The following MYT1L variants were observed in gnomAD, a reference collection of about 807,000 sequenced individuals.
MYT1L encodes the protein myelin transcription factor 1-like protein.
In MYT1L, 12 loss-of-function variants were observed where a neutral mutation model predicts 126.7. The ratio of observed to expected loss-of-function variants is 0.09; its 90% CI spans 0.06 to 0.15. The LOEUF is 0.15. Ranked by LOEUF, MYT1L falls within the 10% of genes least tolerant of loss-of-function variation. The pLI, the probability that MYT1L is intolerant of heterozygous loss-of-function variation, is 1.00. For synonymous variants in MYT1L, 541 were observed against 604.2 expected (o/e 0.90, Z 1.53); for missense variants, 979 against 1,585.2 (o/e 0.62, Z 6.49).
intron 4 of MYT1L, among the ~76,000 whole-genome samples, chr2:2,052,399 A>G (rs2068933212): frequency 6.6e-6 from 1 of 152,204 alleles, no homozygotes; most frequent in African/African-American, 2.4e-5. Flanking sequence ...TGGATATGAT[A>G]CCCAAAGTAT....
chr2:2,194,699 CT>C (rs2092724497), intron 2 of MYT1L, among the ~76,000 whole-genome samples: 1 of 152,168 alleles, frequency 6.6e-6, no homozygotes, highest in African/African-American at 2.4e-5. Context: ...ACCTTCCCCC[CT>C]CATCAGATCC....
chr2:1,801,452 C>G lies in MYT1L; in HGVS notation c.3276+244G>C. On this transcript the variant is annotated intron_variant, in intron 23 of 24. Coordinates refer to ENST00000647738, the MANE Select transcript of MYT1L (RefSeq NM_001303052.2). The surrounding 1 kb of genome is among the most constrained non-coding windows in gnomAD (Gnocchi z 4.2). ...CTCTGAAAATGCCTATTCACAAATG[C>G]ACTTTATTAAAAAACACAAACACAC... 1 of 402,118 alleles carries G rather than the reference C, an allele frequency of 2.5e-6. No individual in the cohort carries two copies. Among genetic ancestry groups the G allele is most frequent in the Non-Finnish European group, 4.4e-6 (1 of 227,956 alleles). 24.9% of individuals were successfully genotyped at this position (402,118 alleles called of 1,614,324 possible).
chr2:1,883,420 C>T (rs763074859), intron 18 of MYT1L, among the ~76,000 whole-genome samples: 8 of 152,112 alleles, frequency 5.3e-5, no homozygotes, highest in Non-Finnish European at 7.3e-5. Flanking sequence ...AAAAGGCTGA[C>T]CAGCTCTGAT....
intron 4 of MYT1L, among the ~76,000 whole-genome samples, chr2:2,009,898 GTTT>G (rs147372422): frequency 5.2e-5 from 6 of 114,290 alleles, no homozygotes; most frequent in Non-Finnish European, 7.3e-5. Flanking sequence ...ACTGTTAAGA[GTTT>G]TTTTTTTTTT....
chr2:1,932,559 G>GTTT (rs1346767170), intron 9 of MYT1L, among the ~76,000 whole-genome samples: 1 of 152,164 alleles, frequency 6.6e-6, no homozygotes, highest in Non-Finnish European at 1.5e-5. Flanking sequence ...TGGTGAAAGA[G>GTTT]GTAAAAATAG....
intron 18 of MYT1L, among the ~76,000 whole-genome samples, chr2:1,862,067 G>A (rs560598091): frequency 1.1e-4 from 16 of 151,986 alleles, no homozygotes; most frequent in East Asian, 7.7e-4. Flanking sequence ...ATTCTGCCTC[G>A]TGCCCCTATC....
At chr2:1,857,370 C>T (rs2148584579) in intron 18 of MYT1L, among the ~76,000 whole-genome samples, 1 of 152,310 alleles carries the variant, frequency 6.6e-6, no homozygotes, top group East Asian at 1.9e-4. Context: ...TTAATGATCT[C>T]TGAGGCTGCC....
intron 3 of MYT1L, among the ~76,000 whole-genome samples, chr2:2,128,915 G>T (rs1443531440): frequency 1.3e-5 from 2 of 152,186 alleles, no homozygotes; most frequent in Non-Finnish European, 2.9e-5. Flanking sequence ...AATATTAAAA[G>T]GGAAGATGCT....
Position 1,903,097 on chromosome 2 carries a change from G to T in MYT1L, c.2015C>A (p.Pro672His). 1.2e-6 allele frequency: 2 copies of T among 1,613,450 alleles called. No individual in the cohort carries two copies. The highest frequency in any genetic ancestry group is 1.7e-6 in the Non-Finnish European group (2 of 1,179,432). ...APKVQTRDIS[P>H]KGYDDAKRYC... ...CCTCCTACCATCATCATATCCTTTG[G>T]GGGATATATCCCTGGTTTGCACCTT... Residue 672 changes from proline to histidine, a missense_variant, in exon 14 of 25, where the codon CCC becomes CAC. Coordinates refer to ENST00000647738, the MANE Select transcript of MYT1L (RefSeq NM_001303052.2).
intron 3 of MYT1L, among the ~76,000 whole-genome samples, chr2:2,141,248 G>A (rs1270572404): frequency 6.6e-6 from 1 of 152,126 alleles, no homozygotes; most frequent in Non-Finnish European, 1.5e-5. Context: ...GTGTGTAAAT[G>A]GGATCCCACA....
intron 5 of MYT1L, among the ~76,000 whole-genome samples, chr2:1,989,702 AACTT>A (rs71402130): frequency 0.027 from 4,086 of 152,244 alleles, 73 homozygotes; most frequent in Non-Finnish European, 0.042. Flanking sequence ...ACATTCAAAA[AACTT>A]AGACTAGGGG....
At chr2:2,190,555 T>TAAAAAAA (rs777939174) in intron 2 of MYT1L, among the ~76,000 whole-genome samples, 4 of 108,430 alleles carry the variant, frequency 3.7e-5, no homozygotes, top group Admixed American at 1.1e-4. Context: ...CAAGACCTGT[T>TAAAAAAA]AAAAAAAAAA....
chr2:2,058,881 G>A (rs2069984931), intron 3 of MYT1L, among the ~76,000 whole-genome samples: 1 of 152,172 alleles, frequency 6.6e-6, no homozygotes, highest in Non-Finnish European at 1.5e-5. Flanking sequence ...ACTCTAGTAT[G>A]TTTCTGCCCA....
In MYT1L at chr2:1,814,024, C is replaced by T. The variant is rs1298452288; in HGVS notation, c.3081-4857G>A. ...CCTGGGCGACAGAGCGAGACTCCGT[C>T]CCCAAAAAAAAAAAAAAAAGAAAGA... On this transcript the variant is annotated intron_variant, in intron 21 of 24. Transcript: ENST00000647738. Among the ~76,000 whole-genome samples the T allele has an allele frequency of 1.6e-4, 17 of 109,214 alleles. No homozygotes were observed. The East Asian group carries it at 4.7e-3, about 30-fold the overall frequency. 71.6% of individuals were successfully genotyped at this position (109,214 alleles called of 152,430 possible). A position where few individuals can be genotyped will look rare whatever the true frequency, so the allele number is the denominator to read the frequency against.
chr2:1,894,431 A>T (rs2049317424), intron 14 of MYT1L, among the ~76,000 whole-genome samples: 1 of 152,256 alleles, frequency 6.6e-6, no homozygotes, highest in Non-Finnish European at 1.5e-5. Flanking sequence ...AGCAACCGTC[A>T]CAAACCAGTT....
intron 4 of MYT1L, among the ~76,000 whole-genome samples, chr2:2,041,610 T>C (rs1472459183): frequency 6.6e-6 from 1 of 152,178 alleles, no homozygotes; most frequent in Non-Finnish European, 1.5e-5. Flanking sequence ...GGTATCTCCC[T>C]CCCTGCAGAA....
intron 3 of MYT1L, among the ~76,000 whole-genome samples, chr2:2,084,665 C>A (rs989787956): frequency 1.3e-5 from 2 of 152,198 alleles, no homozygotes; most frequent in Non-Finnish European, 2.9e-5. Flanking sequence ...CCATGGGCTG[C>A]AGCCTGTGAG....
At chr2:1,898,158 T>G (rs1220675015) in intron 14 of MYT1L, among the ~76,000 whole-genome samples, 5 of 152,158 alleles carry the variant, frequency 3.3e-5, no homozygotes, top group African/African-American at 1.2e-4. Flanking sequence ...TGTATTCACC[T>G]TTTCTTGCAG....
At position 1,813,897 on chromosome 2, in the gene MYT1L, G is replaced by A. The variant is rs1180476690; in HGVS notation, c.3081-4730C>T. Among the ~76,000 whole-genome samples the A allele has an allele frequency of 1.8e-5, 2 of 112,252 alleles. 1 individual carries two copies. The highest frequency in any genetic ancestry group is 5.3e-4 in the East Asian group (2 of 3,804). The allele number at this position is 112,252 out of a possible 152,430, so 73.6% of individuals were successfully genotyped here. On this transcript the variant is annotated intron_variant, in intron 21 of 24. Transcript: ENST00000647738. ...AAAAAATTAGCCGGGCGTGGTAGCG[G>A]GCGCCTGTAGTCCCAGCTACTCGGG...
Sources: allele counts gnomAD v4.1 joint callset (sites outside exome capture counted in the v4.1 genomes callset), GRCh38; gene constraint gnomAD v4.1.1; non-coding constraint Gnocchi (gnomAD v3.1); transcripts MANE v1.5; gene names NCBI Gene and HGNC (gene_info 2026-07-23, HGNC 2026-07-21).